NRG3: variants seen among roughly 807,000 people sequenced by gnomAD.
The protein encoded by NRG3 is neuregulin 3.
NRG3 carries 31 observed loss-of-function variants against 66.9 expected under a neutral mutation model. The ratio of observed to expected loss-of-function variants is 0.46; its 90% CI spans 0.35 to 0.63. The LOEUF (loss-of-function observed/expected upper bound fraction) is 0.63. Among genes scored for constraint, NRG3 ranks in the 20% least tolerant of loss-of-function variants. The probability of loss-of-function intolerance (pLI) is 0.00; values close to 1 mark genes in which losing one functional copy is unlikely to be tolerated. For missense variants in NRG3, 910 were observed against 878.9 expected, an observed-to-expected ratio of 1.04 and a Z score of -0.45; for synonymous variants, 393 against 359.4, an observed-to-expected ratio of 1.09 and a Z score of -1.06.
At chr10:82,330,260 A>T (rs1214916324) in intron 1 of NRG3, among the ~76,000 whole-genome samples, 1 of 152,232 alleles carries the variant, frequency 6.6e-6, no homozygotes, top group Non-Finnish European at 1.5e-5. Flanking sequence ...GAGGAAAGTC[A>T]TGAAAAATTA....
At chr10:82,971,433 G>A (rs560219642) in intron 6 of NRG3, among the ~76,000 whole-genome samples, 21 of 111,342 alleles carry the variant, frequency 1.9e-4, no homozygotes, top group East Asian at 2.8e-4. Flanking sequence ...TGAGAAAGCC[G>A]TTCTTTTTTT....
chr10:82,409,303 T>G (rs905768378), intron 2 of NRG3, among the ~76,000 whole-genome samples: 3 of 152,194 alleles, frequency 2.0e-5, no homozygotes, highest in African/African-American at 7.2e-5. Context: ...TAGTGGCATA[T>G]AAGCATAAAG....
chr10:81,896,660 C>CTTT (rs11384260), intron 1 of NRG3, among the ~76,000 whole-genome samples: 5 of 140,312 alleles, frequency 3.6e-5, no homozygotes, highest in African/African-American at 1.3e-4. Flanking sequence ...GAATCTAGGG[C>CTTT]TTTTTTTTTT....
intron 1 of NRG3, among the ~76,000 whole-genome samples, chr10:81,913,679 C>T (rs1036527666): frequency 3.3e-5 from 5 of 152,076 alleles, no homozygotes; most frequent in African/African-American, 7.2e-5. Flanking sequence ...CCACCTCAGC[C>T]TCCCAAAGTG....
rs532465994 is a variant in NRG3 at position 82,727,575 on chromosome 10, G to A, written c.954-11002G>A. On this transcript the variant is annotated intron_variant, in intron 2 of 8. Transcript: ENST00000372141. The stretch of plus-strand genomic sequence containing the variant: ...TAGATTTCAGAGGATGTATGCAAAT[G>A]CCTGGATGTCTGGGCAGAAGTTTGC... Among the ~76,000 whole-genome samples, 3 of 152,250 alleles carry A rather than the reference G, an allele frequency of 2.0e-5. No individual in the cohort carries two copies. In the East Asian group the frequency reaches 5.8e-4, roughly 29 times the overall value.
In NRG3 at chr10:82,877,472, C is replaced by T. The variant is rs1024197345; in HGVS notation, c.1054+12035C>T. ...TTGGCTCACTGCAACCTCTGCCTCCCAGGTTCAAGCAATTCTGCAGCCTCC... is the reference window on the plus strand; with the variant it reads ...TTGGCTCACTGCAACCTCTGCCTCCTAGGTTCAAGCAATTCTGCAGCCTCC... On this transcript the variant is annotated intron_variant, in intron 4 of 8. Coordinates refer to ENST00000372141, the MANE Select transcript of NRG3 (RefSeq NM_001010848.4). 3.8e-4 allele frequency among the ~76,000 whole-genome samples: 57 copies of T among 148,158 alleles called. 1 individual carries two copies. Among genetic ancestry groups the T allele is most frequent in the Non-Finnish European group, 4.5e-5 (3 of 67,414 alleles).
chr10:82,358,962 G>A lies in NRG3; in HGVS notation c.953+94G>A, dbSNP rs778089544. ...AGCATCTGGTATGTGTCATATCCGGGATACACACAGTCCCACCGTTTGAAT... is the reference window on the plus strand; with the variant it reads ...AGCATCTGGTATGTGTCATATCCGGAATACACACAGTCCCACCGTTTGAAT... On this transcript the variant is annotated intron_variant, in intron 2 of 8. Coordinates refer to ENST00000372141, the MANE Select transcript of NRG3 (RefSeq NM_001010848.4). 117 of 1,535,686 alleles carry A rather than the reference G, an allele frequency of 7.6e-5. 1 individual carries two copies. The Middle Eastern group carries it at 1.1e-3, about 14-fold the overall frequency.
At chr10:82,585,518 A>G (rs769737067) in intron 2 of NRG3, among the ~76,000 whole-genome samples, 1 of 152,144 alleles carries the variant, frequency 6.6e-6, no homozygotes, top group Non-Finnish European at 1.5e-5. Context: ...ACACTGTCCT[A>G]GTCACAGACC....
At chr10:82,115,427 A>G (rs967426724) in intron 1 of NRG3, among the ~76,000 whole-genome samples, 2 of 152,146 alleles carry the variant, frequency 1.3e-5, no homozygotes, top group Admixed American at 6.6e-5. Flanking sequence ...AAGAACTCCA[A>G]TAACTCTTAG....
intron 2 of NRG3, among the ~76,000 whole-genome samples, chr10:82,509,724 C>T (rs1048767032): frequency 6.6e-6 from 1 of 152,186 alleles, no homozygotes; most frequent in Admixed American, 6.5e-5. Context: ...ATAAAATACA[C>T]ATAGGATTAT....
chr10:82,506,668 G>A (rs1318209585), intron 2 of NRG3, among the ~76,000 whole-genome samples: 2 of 152,036 alleles, frequency 1.3e-5, no homozygotes, highest in African/African-American at 2.4e-5. Flanking sequence ...AATCAGCTGT[G>A]GAGCAGGCTT....
intron 2 of NRG3, among the ~76,000 whole-genome samples, chr10:82,490,233 C>G (rs1037609771): frequency 2.0e-5 from 3 of 152,148 alleles, no homozygotes; most frequent in African/African-American, 7.2e-5. Context: ...GTTGGCAGTT[C>G]CTCTACTTCT....
intron 2 of NRG3, among the ~76,000 whole-genome samples, chr10:82,729,824 G>A (rs902533250): frequency 5.9e-5 from 9 of 152,120 alleles, no homozygotes; most frequent in Admixed American, 5.2e-4. Flanking sequence ...GATACTCAAG[G>A]CCTGGTTGAG....
intron 5 of NRG3, among the ~76,000 whole-genome samples, chr10:82,951,892 C>T (rs1327580983): frequency 1.3e-5 from 2 of 152,180 alleles, no homozygotes; most frequent in Admixed American, 1.3e-4. Flanking sequence ...TTGGTGTCTG[C>T]CTGTCACTAA....
chr10:82,590,269 A>G (rs909667478), intron 2 of NRG3, among the ~76,000 whole-genome samples: 11 of 152,202 alleles, frequency 7.2e-5, no homozygotes, highest in African/African-American at 2.7e-4. Context: ...AGTATGAAGT[A>G]TTAATCTTGA....
At chr10:82,014,820 C>A (rs2061717225) in intron 1 of NRG3, among the ~76,000 whole-genome samples, 1 of 151,938 alleles carries the variant, frequency 6.6e-6, no homozygotes, top group Non-Finnish European at 1.5e-5. Flanking sequence ...TCAGAGGAGC[C>A]TAGAAATAAC....
intron 2 of NRG3, among the ~76,000 whole-genome samples, chr10:82,601,723 T>C (rs2047641388): frequency 6.6e-6 from 1 of 151,436 alleles, no homozygotes; most frequent in Non-Finnish European, 1.5e-5. Flanking sequence ...TTTTAAAGTA[T>C]GGTAGATAGA....
intron 1 of NRG3, among the ~76,000 whole-genome samples, chr10:82,135,907 C>T (rs2069307972): frequency 6.6e-6 from 1 of 152,068 alleles, no homozygotes; most frequent in South Asian, 2.1e-4. Context: ...GGATATTCGT[C>T]AATGTCTAGG....
At chr10:82,738,682 A>T (rs765988139) in intron 3 of NRG3, 32 bp downstream of exon 3, 1 of 1,549,036 alleles carries the variant, frequency 6.5e-7, no homozygotes. Flanking sequence ...TCTCTAATGC[A>T]ATATATAGGC....
Sources: gnomAD v4.1 joint callset for allele counts (sites outside exome capture counted in the v4.1 genomes callset) on GRCh38, gnomAD v4.1.1 for gene constraint, MANE v1.5 for transcripts, NCBI Gene and HGNC (gene_info 2026-07-23, HGNC 2026-07-21) for gene names.